TCF7L2: variants seen among roughly 807,000 people sequenced by gnomAD.
The protein encoded by TCF7L2 is transcription factor 7 like 2.
Under a neutral mutation model 77.9 loss-of-function variants are expected in TCF7L2, and 23 were observed. The ratio of observed to expected loss-of-function variants is 0.30; its 90% CI spans 0.21 to 0.42. TCF7L2 has a LOEUF of 0.42. Ranked by LOEUF, TCF7L2 falls within the 10% of genes least tolerant of loss-of-function variation. The pLI, the probability that TCF7L2 is intolerant of heterozygous loss-of-function variation, is 1.00. For synonymous variants in TCF7L2, 413 were observed against 340.2 expected (o/e 1.21, Z -2.36); for missense variants, 654 against 793.1 (o/e 0.82, Z 2.11).
intron 4 of TCF7L2, among the ~76,000 whole-genome samples, chr10:113,032,166 G>A (rs1232281444): frequency 6.6e-6 from 1 of 152,136 alleles, no homozygotes; most frequent in Non-Finnish European, 1.5e-5. Context: ...TGGAAGGAAG[G>A]CCTGGGCCTC....
intron 4 of TCF7L2, among the ~76,000 whole-genome samples, chr10:113,000,854 G>T (rs146861418): frequency 9.1e-4 from 138 of 152,306 alleles, no homozygotes; most frequent in Middle Eastern, 3.4e-3. Flanking sequence ...CTTTCTGGGT[G>T]TTTGATATGG....
At chr10:112,969,785 G>A (rs1232628476) in intron 4 of TCF7L2, among the ~76,000 whole-genome samples, 1 of 152,220 alleles carries the variant, frequency 6.6e-6, no homozygotes, top group African/African-American at 2.4e-5. Context: ...GGACTAGCAG[G>A]CTGAATTCCA....
chr10:113,052,930 G>T (rs868419420), intron 5 of TCF7L2, among the ~76,000 whole-genome samples: 13 of 152,186 alleles, frequency 8.5e-5, no homozygotes, highest in African/African-American at 3.1e-4. Flanking sequence ...TAATTTGGAA[G>T]AAGAGGGGTT....
intron 7 of TCF7L2, 40 bp from the exon 8 acceptor site, chr10:113,145,971 C>CCCTTTTT: frequency 7.6e-7 from 1 of 1,317,234 alleles, no homozygotes; most frequent in Non-Finnish European, 1.1e-6. Flanking sequence ...CCACCCCCAC[C>CCCTTTTT]CTTGTTTCAA....
At chr10:113,073,125 TGTGTGA>T (rs1318669249) in intron 5 of TCF7L2, among the ~76,000 whole-genome samples, 215 of 138,156 alleles carry the variant, frequency 1.6e-3, no homozygotes, top group African/African-American at 5.3e-3. Context: ...TGTGTGTGTG[TGTGTGA>T]GAGAGAGAGA....
At chr10:112,978,802 A>G (rs2039939242) in intron 4 of TCF7L2, among the ~76,000 whole-genome samples, 1 of 151,820 alleles carries the variant, frequency 6.6e-6, no homozygotes, top group South Asian at 2.1e-4. Flanking sequence ...TTTATATAAT[A>G]ATATATGATT....
intron 5 of TCF7L2, among the ~76,000 whole-genome samples, chr10:113,138,385 G>A (rs111378274): frequency 2.7e-4 from 41 of 152,116 alleles, no homozygotes; most frequent in African/African-American, 8.9e-4. Context: ...TGTTGGAATC[G>A]CCTTCATATG....
chr10:113,058,067 G>A (rs763821894), intron 5 of TCF7L2, among the ~76,000 whole-genome samples: 8 of 152,294 alleles, frequency 5.3e-5, no homozygotes, highest in South Asian at 4.1e-4. Context: ...AATGTCTTGC[G>A]TGTGCCCTAT....
intron 7 of TCF7L2, among the ~76,000 whole-genome samples, chr10:113,144,672 A>G (rs1488840361): frequency 2.0e-5 from 3 of 152,204 alleles, no homozygotes; most frequent in Non-Finnish European, 4.4e-5. Flanking sequence ...GTTTTACCTA[A>G]CTGTGAACGG....
chr10:113,089,606 G>C, intron 5 of TCF7L2: 1 of 1,579,972 alleles, frequency 6.3e-7, no homozygotes, highest in Middle Eastern at 1.8e-4. Flanking sequence ...CCCACCCAAA[G>C]TTTACCTCTC....
chr10:113,033,528 G>A (rs188073037), intron 4 of TCF7L2, among the ~76,000 whole-genome samples: 182 of 152,220 alleles, frequency 1.2e-3, no homozygotes, highest in Non-Finnish European at 2.1e-3. Flanking sequence ...GATTACTGGC[G>A]TGGGCCACCA....
chr10:113,077,837 C>G (rs1157645840), intron 5 of TCF7L2, among the ~76,000 whole-genome samples: 1 of 150,602 alleles, frequency 6.6e-6, no homozygotes, highest in Non-Finnish European at 1.5e-5. Flanking sequence ...GTAGCAGGCC[C>G]ATGCCACCAC....
intron 4 of TCF7L2, among the ~76,000 whole-genome samples, chr10:113,027,197 A>G (rs1469380771): frequency 6.6e-6 from 1 of 152,142 alleles, no homozygotes; most frequent in Non-Finnish European, 1.5e-5. Context: ...AGGGCCATTT[A>G]TATTTCTTCA....
intron 4 of TCF7L2, among the ~76,000 whole-genome samples, chr10:113,010,955 G>A (rs2046357014): frequency 6.6e-6 from 1 of 152,162 alleles, no homozygotes; most frequent in Admixed American, 6.5e-5. Flanking sequence ...GCAGTGAGCT[G>A]GCATTGTGCC....
chr10:113,056,222 T>G (rs2055352239), intron 5 of TCF7L2, among the ~76,000 whole-genome samples: 1 of 152,232 alleles, frequency 6.6e-6, no homozygotes, highest in African/African-American at 2.4e-5. Context: ...AGTTAGATAA[T>G]TTATGAAGTA....
intron 5 of TCF7L2, among the ~76,000 whole-genome samples, chr10:113,043,286 T>G (rs116366381): frequency 0.013 from 2,010 of 152,360 alleles, 42 homozygotes; most frequent in African/African-American, 0.045. Flanking sequence ...TATTTTAATC[T>G]GATTGGATTA....
intron 5 of TCF7L2, among the ~76,000 whole-genome samples, chr10:113,080,691 T>G (rs2059235160): frequency 6.6e-6 from 1 of 152,250 alleles, no homozygotes; most frequent in Non-Finnish European, 1.5e-5. Context: ...TGCAATAATT[T>G]AGTGTTTATG....
At chr10:113,152,204 C>T (rs2070899257) in intron 10 of TCF7L2, 129 bp from the exon 11 acceptor site, 1 of 902,030 alleles carries the variant, frequency 1.1e-6, no homozygotes, top group Non-Finnish European at 1.8e-6. Context: ...ACAGATTATA[C>T]CATTTCTGGA....
intron 8 of TCF7L2, among the ~76,000 whole-genome samples, chr10:113,146,944 TA>T (rs978574632): frequency 2.0e-5 from 3 of 152,186 alleles, no homozygotes; most frequent in African/African-American, 7.2e-5. Flanking sequence ...CATATATATT[TA>T]TATTTCAGCG....
Sources: allele counts gnomAD v4.1 joint callset (sites outside exome capture counted in the v4.1 genomes callset), GRCh38; gene constraint gnomAD v4.1.1; transcripts MANE v1.5; gene names NCBI Gene and HGNC (gene_info 2026-07-23, HGNC 2026-07-21).